Variants in CAST observed in about 807,000 individuals in gnomAD.
CAST encodes the protein MIR583 host.
In CAST, 76 loss-of-function variants were observed where a neutral mutation model predicts 119.6. The observed-to-expected ratio is 0.64, with a 90% CI of 0.53 to 0.77. The LOEUF (loss-of-function observed/expected upper bound fraction) is 0.77, where lower values mean the gene tolerates loss of function less well. CAST is among the 30% of genes least tolerant of loss of function. The probability of loss-of-function intolerance (pLI) is 0.00; values close to 1 mark genes in which losing one functional copy is unlikely to be tolerated. For missense variants in CAST, 953 were observed against 946.5 expected (o/e 1.01, Z -0.09); for synonymous variants, 319 against 331.6 (o/e 0.96, Z 0.41).
At chr5:96,194,820 T>C in the CAST span, among the ~76,000 whole-genome samples, 1 of 152,202 alleles carries the variant, frequency 6.6e-6, no homozygotes, top group South Asian at 2.1e-4. Flanking sequence ...GGCCACAGTG[T>C]AGGGTACATG....
chr5:96,061,850 A>G, the CAST span, among the ~76,000 whole-genome samples: 1 of 152,166 alleles, frequency 6.6e-6, no homozygotes, highest in African/African-American at 2.4e-5. Flanking sequence ...TTTGTATTAC[A>G]TGTTAATCTC....
At chr5:96,602,937 C>G (rs909307285) in intron 1 of CAST, among the ~76,000 whole-genome samples, 6 of 151,936 alleles carry the variant, frequency 3.9e-5, no homozygotes, top group Admixed American at 6.6e-5. Context: ...ATGCAAAGGC[C>G]TGGAAGAAGA....
the CAST span, among the ~76,000 whole-genome samples, chr5:96,475,131 G>T: frequency 5.9e-5 from 9 of 152,202 alleles, no homozygotes; most frequent in South Asian, 1.9e-3. Context: ...ATCCGTCCCT[G>T]CCCCCAGAGT....
At chr5:96,637,201 G>T (rs1394021112) in intron 1 of CAST, among the ~76,000 whole-genome samples, 7 of 152,168 alleles carry the variant, frequency 4.6e-5, no homozygotes, top group Non-Finnish European at 1.0e-4. Flanking sequence ...TATGTGTCAG[G>T]TGCAAGTCTA....
At chr5:96,400,085 A>C in the CAST span, 1 of 1,614,070 alleles carries the variant, frequency 6.2e-7, no homozygotes, top group Admixed American at 1.7e-5. Context: ...ATTCACCATC[A>C]AGCCTGCTCC....
chr5:96,771,601 T>C (rs1392849088), intron 30 of CAST, 43 bp from the exon 31 acceptor site: 4 of 1,560,284 alleles, frequency 2.6e-6, no homozygotes, highest in Non-Finnish European at 3.5e-6. Flanking sequence ...TCATACTTAA[T>C]ACAGAAAAGA....
At chr5:96,503,190 T>C in the CAST span, among the ~76,000 whole-genome samples, 1,774 of 152,366 alleles carry the variant, frequency 0.012, 29 homozygotes, top group African/African-American at 0.041. Context: ...TGTATTTCAC[T>C]AGTTACTAGG....
chr5:96,603,701 C>T (rs1002619442), intron 1 of CAST, among the ~76,000 whole-genome samples: 2 of 149,522 alleles, frequency 1.3e-5, no homozygotes, highest in Non-Finnish European at 1.5e-5. Flanking sequence ...AATACATAAA[C>T]GTGTTACACA....
At chr5:96,581,549 T>C (rs907216109) in intron 1 of CAST, among the ~76,000 whole-genome samples, 1 of 152,184 alleles carries the variant, frequency 6.6e-6, no homozygotes, top group Admixed American at 6.5e-5. Flanking sequence ...TGAAATAAAC[T>C]GAGAATTACA....
the CAST span, among the ~76,000 whole-genome samples, chr5:96,518,996 G>A: frequency 5.3e-5 from 8 of 152,142 alleles, no homozygotes; most frequent in Admixed American, 2.0e-4. Context: ...GGGAGGCAGA[G>A]GATGTAGTGA....
At chr5:96,764,953 G>A (rs975585216) in intron 25 of CAST, among the ~76,000 whole-genome samples, 11 of 152,054 alleles carry the variant, frequency 7.2e-5, no homozygotes, top group African/African-American at 2.7e-4. Context: ...CCTTAACCTG[G>A]TGGGATCTTC....
At chr5:96,730,962 C>T in intron 9 of CAST, 102 bp downstream of exon 9, 1 of 836,014 alleles carries the variant, frequency 1.2e-6, no homozygotes, top group Non-Finnish European at 2.1e-6. Context: ...CAAAACTGAA[C>T]ACTGCTTATA....
chr5:96,504,923 C>T, the CAST span, among the ~76,000 whole-genome samples: 1 of 152,164 alleles, frequency 6.6e-6, no homozygotes, highest in Non-Finnish European at 1.5e-5. Context: ...CGTTGTTGCT[C>T]ATATGAGTAT....
At chr5:96,360,460 G>A in the CAST span, among the ~76,000 whole-genome samples, 2 of 152,130 alleles carry the variant, frequency 1.3e-5, no homozygotes, top group African/African-American at 4.8e-5. Flanking sequence ...CCTCATCTTC[G>A]TGGATTTATC....
At chr5:96,218,170 C>T in the CAST span, among the ~76,000 whole-genome samples, 1 of 152,136 alleles carries the variant, frequency 6.6e-6, no homozygotes, top group Non-Finnish European at 1.5e-5. Context: ...CTATGTGACT[C>T]ACACTAGGTG....
chr5:96,675,626 C>T (rs1216740933), intron 2 of CAST, 25 bp downstream of exon 2: 1 of 1,528,686 alleles, frequency 6.5e-7, no homozygotes, highest in East Asian at 2.3e-5. Context: ...ACTGGGCTTT[C>T]ATTTTCTCTT....
chr5:96,318,980 C>G, the CAST span: 4 of 152,114 alleles, frequency 2.6e-5, no homozygotes, highest in Non-Finnish European at 5.9e-5. Context: ...AAAGGAATAC[C>G]TAAGACTGGG....
At chr5:96,018,998 T>A in the CAST span, among the ~76,000 whole-genome samples, 1 of 152,302 alleles carries the variant, frequency 6.6e-6, no homozygotes, top group South Asian at 2.1e-4. Context: ...CATTATTCCC[T>A]GCCTAACAAG....
the CAST span, chr5:96,391,102 TTCTA>T: frequency 1.3e-5 from 2 of 152,228 alleles, no homozygotes. Flanking sequence ...ATATTGGAAA[TTCTA>T]TCTAACACTT....
Sources: allele counts gnomAD v4.1 joint callset (sites outside exome capture counted in the v4.1 genomes callset), GRCh38; gene constraint gnomAD v4.1.1; transcripts MANE v1.5; gene names NCBI Gene and HGNC (gene_info 2026-07-23, HGNC 2026-07-21).